Variants in RBFOX1 observed in about 807,000 individuals in gnomAD.
RBFOX1 encodes the protein RNA binding fox-1 homolog 1.
A neutral mutation model predicts 57.7 loss-of-function variants in RBFOX1; 8 were observed. The observed-to-expected ratio is 0.14, with a 90% CI of 0.08 to 0.25. RBFOX1 has a LOEUF of 0.25. Ranked by LOEUF, RBFOX1 falls within the 10% of genes least tolerant of loss-of-function variation. The pLI is 1.00. For synonymous variants in RBFOX1, 326 were observed against 222.4 expected (o/e 1.47, Z -4.15); for missense variants, 611 against 548.5 (o/e 1.11, Z -1.14).
At chr16:6,789,618 C>T (rs1271388571) in intron 3 of RBFOX1, among the ~76,000 whole-genome samples, 2 of 152,178 alleles carry the variant, frequency 1.3e-5, no homozygotes, top group Non-Finnish European at 2.9e-5. Flanking sequence ...CCCATCTTTG[C>T]ATAAAAGGCA....
intron 11 of RBFOX1, among the ~76,000 whole-genome samples, chr16:7,649,084 G>C (rs1401578643): frequency 6.6e-6 from 1 of 152,146 alleles, no homozygotes; most frequent in East Asian, 1.9e-4. Flanking sequence ...CCAGTCCACA[G>C]TGCAAAGCAA....
chr16:7,021,774 A>T (rs1314150647), intron 3 of RBFOX1, among the ~76,000 whole-genome samples: 1 of 150,896 alleles, frequency 6.6e-6, no homozygotes, highest in African/African-American at 2.4e-5. Flanking sequence ...TTTATTGAGC[A>T]TGTACTATAT....
chr16:6,970,141 G>A (rs1448458128), intron 3 of RBFOX1, among the ~76,000 whole-genome samples: 1 of 151,568 alleles, frequency 6.6e-6, no homozygotes, highest in Non-Finnish European at 1.5e-5. Context: ...TGGTGTCACT[G>A]CATTCCAGCC....
intron 9 of RBFOX1, among the ~76,000 whole-genome samples, chr16:7,606,346 C>G (rs1157004618): frequency 6.6e-6 from 1 of 152,172 alleles, no homozygotes; most frequent in East Asian, 1.9e-4. Flanking sequence ...TGGTCTCAAA[C>G]TCCTGACCTC....
chr16:5,508,393 G>C (rs1597345798), intron 2 of RBFOX1, among the ~76,000 whole-genome samples: 1 of 152,236 alleles, frequency 6.6e-6, no homozygotes, highest in South Asian at 2.1e-4. Context: ...CTAGCAGCAA[G>C]GGTGAGAGAG....
chr16:6,008,921 G>A (rs1443305939), intron 4 of RBFOX1, among the ~76,000 whole-genome samples: 2 of 152,254 alleles, frequency 1.3e-5, no homozygotes, highest in East Asian at 3.9e-4. Flanking sequence ...AGCAGGAAGA[G>A]GTAGAGAAAT....
chr16:6,695,570 G>C (rs2060921577), intron 3 of RBFOX1, among the ~76,000 whole-genome samples: 2 of 106,740 alleles, frequency 1.9e-5, no homozygotes, highest in African/African-American at 5.1e-5. Context: ...AATGTTTCAA[G>C]TATGAGATAT....
intron 4 of RBFOX1, among the ~76,000 whole-genome samples, chr16:5,932,700 G>T (rs2059088365): frequency 6.6e-6 from 1 of 152,102 alleles, no homozygotes; most frequent in Non-Finnish European, 1.5e-5. Flanking sequence ...CCACCACTGG[G>T]GTCAGGAGGC....
At chr16:5,347,353 A>G (rs2065162734) in intron 1 of RBFOX1, among the ~76,000 whole-genome samples, 1 of 152,086 alleles carries the variant, frequency 6.6e-6, no homozygotes, top group Non-Finnish European at 1.5e-5. Context: ...GAATGCATGA[A>G]CTCAGCCTCC....
chr16:7,197,013 C>T (rs1397630330), intron 4 of RBFOX1, among the ~76,000 whole-genome samples: 4 of 152,142 alleles, frequency 2.6e-5, no homozygotes, highest in African/African-American at 9.7e-5. Flanking sequence ...TTAAAAGACT[C>T]CATTTCGAAG....
At chr16:7,332,192 A>G (rs1322642855) in intron 4 of RBFOX1, among the ~76,000 whole-genome samples, 1 of 152,232 alleles carries the variant, frequency 6.6e-6, no homozygotes, top group Non-Finnish European at 1.5e-5. Context: ...TGTACGAGCT[A>G]TGTGACCATG....
chr16:5,920,262 A>G (rs967192620), intron 4 of RBFOX1, among the ~76,000 whole-genome samples: 34 of 152,206 alleles, frequency 2.2e-4, no homozygotes, highest in Admixed American at 6.5e-5. Flanking sequence ...TGTAGAAGGA[A>G]GTACTGTATT....
intron 3 of RBFOX1, among the ~76,000 whole-genome samples, chr16:5,780,557 C>T (rs1299997943): frequency 6.6e-6 from 1 of 151,950 alleles, no homozygotes; most frequent in African/African-American, 2.4e-5. Flanking sequence ...CAATCAATTC[C>T]TCCAAATGAA....
intron 1 of RBFOX1, among the ~76,000 whole-genome samples, chr16:6,146,257 G>GT (rs1378073429): frequency 3.3e-5 from 5 of 152,220 alleles, no homozygotes; most frequent in Non-Finnish European, 1.5e-5. Context: ...GCTCACAGCA[G>GT]ATAGGAATCC....
intron 1 of RBFOX1, among the ~76,000 whole-genome samples, chr16:5,331,519 G>A (rs1275083052): frequency 6.6e-6 from 1 of 152,222 alleles, no homozygotes; most frequent in East Asian, 1.9e-4. Flanking sequence ...GCTAGCCCAG[G>A]CATGTCCTTC....
At chr16:6,985,304 T>C (rs547193484) in intron 3 of RBFOX1, among the ~76,000 whole-genome samples, 18 of 152,196 alleles carry the variant, frequency 1.2e-4, no homozygotes, top group Admixed American at 2.6e-4. Context: ...TCAATTAATT[T>C]TGAAATATTA....
intron 4 of RBFOX1, among the ~76,000 whole-genome samples, chr16:7,363,994 C>A (rs1250444159): frequency 6.6e-6 from 1 of 152,144 alleles, no homozygotes; most frequent in Non-Finnish European, 1.5e-5. Context: ...TATTTTTGAA[C>A]AGGAAGACAG....
At chr16:6,610,175 G>A (rs1417287699) in intron 2 of RBFOX1, among the ~76,000 whole-genome samples, 3 of 152,172 alleles carry the variant, frequency 2.0e-5, no homozygotes, top group African/African-American at 4.8e-5. Context: ...TCTTCGGTGT[G>A]CATTAGACTA....
At chr16:6,476,930 T>C (rs1190373502) in intron 2 of RBFOX1, among the ~76,000 whole-genome samples, 1 of 152,240 alleles carries the variant, frequency 6.6e-6, no homozygotes, top group Non-Finnish European at 1.5e-5. Flanking sequence ...GTATCTTTAC[T>C]AGATGTAGAT....
Sources: allele counts gnomAD v4.1 joint callset (sites outside exome capture counted in the v4.1 genomes callset), GRCh38; gene constraint gnomAD v4.1.1; transcripts MANE v1.5; gene names NCBI Gene and HGNC (gene_info 2026-07-23, HGNC 2026-07-21).